NPHS2: variants seen among roughly 807,000 people sequenced by gnomAD.
NPHS2 encodes the protein NPHS2 stomatin family member, podocin, also known as podocin.
A neutral mutation model predicts 37.1 loss-of-function variants in NPHS2; 36 were observed. The ratio of observed to expected loss-of-function variants is 0.97; its 90% CI spans 0.74 to 1.28. The LOEUF is 1.28. Among genes scored for constraint, NPHS2 ranks in the 50% most tolerant of loss-of-function variants. The probability of loss-of-function intolerance (pLI) is 0.00; values close to 1 mark genes in which losing one functional copy is unlikely to be tolerated. For synonymous variants in NPHS2, 196 were observed against 189.3 expected, an observed-to-expected ratio of 1.04 and a Z score of -0.29; for missense variants, 447 against 488.1, an observed-to-expected ratio of 0.92 and a Z score of 0.79.
intron 4 of NPHS2, among the ~76,000 whole-genome samples, chr1:179,558,651 C>G (rs1472811395): frequency 2.0e-5 from 3 of 152,084 alleles, no homozygotes; most frequent in Admixed American, 2.0e-4. Context: ...TTTTGAGGAG[C>G]TGCTCTACTG....
Position 179,559,715 on chromosome 1 carries a change from G to A in NPHS2, c.498C>T (p.Asp166=). The part of the protein sequence containing the change: ...LPCLDTYHKV[D]LRLQTLEIPF... ...GTATCTCCAGAGTTTGGAGACGAAG[G>A]TCAACCTTGTGGTAGGTATCCAGGC... The change falls in exon 4 of 8, where the codon GAC becomes GAT. Residue 166 remains aspartate, a synonymous_variant. Coordinates refer to ENST00000367615, the MANE Select transcript of NPHS2 (RefSeq NM_014625.4). 6.3e-7 allele frequency: 1 copy of A among 1,592,398 alleles called. No homozygotes were observed. The highest frequency in any genetic ancestry group is 8.6e-7 in the Non-Finnish European group (1 of 1,166,990).
chr1:179,572,024 G>A (rs1674583317), intron 1 of NPHS2, among the ~76,000 whole-genome samples: 1 of 152,252 alleles, frequency 6.6e-6, no homozygotes, highest in African/African-American at 2.4e-5. Context: ...TGTGCTTCCT[G>A]GGTGAGGCAA....
In NPHS2 at chr1:179,551,335, C is replaced by A. The variant is rs749236659; in HGVS notation, c.990G>T (p.Leu330=). The part of the protein sequence containing the change: ...QLRYLHTLQS[L]STEKPSTVVL... ...CCACAGTGGAAGGCTTCTCTGTGGA[C>A]AGAGACTGAAGGGTGTGGAGGTATC... Residue 330 remains leucine, a synonymous_variant, in exon 8 of 8, where the codon CTG becomes CTT. Coordinates refer to ENST00000367615, the MANE Select transcript of NPHS2 (RefSeq NM_014625.4). 69 of 1,613,996 alleles carry A rather than the reference C, an allele frequency of 4.3e-5. No homozygotes were observed. The highest frequency in any genetic ancestry group is 5.6e-5 in the Non-Finnish European group (66 of 1,180,008).
chr1:179,567,618 G>C (rs1192679863), intron 1 of NPHS2, among the ~76,000 whole-genome samples: 1 of 152,208 alleles, frequency 6.6e-6, no homozygotes, highest in African/African-American at 2.4e-5. Context: ...ATAGGGTGGT[G>C]AGAGAGGGCT....
Position 179,554,337 on chromosome 1 carries a change from ATTTG to A in NPHS2, c.794+135_794+138del. On this transcript the variant is annotated intron_variant, in intron 6 of 7. Coordinates refer to ENST00000367615, the MANE Select transcript of NPHS2 (RefSeq NM_014625.4). ...TGTTATGGCTGTAAGATATTAGGTG[ATTTG>A]TTTCTCTTTTTTATAAATTTATGCT... 3.1e-6 allele frequency: 3 copies of A among 954,500 alleles called. No individual in the cohort carries two copies. In the East Asian group the frequency reaches 7.5e-5, roughly 24 times the overall value. The allele number at this position is 954,500 out of a possible 1,614,324, so 59.1% of individuals were successfully genotyped here.
At chr1:179,557,447 TA>T (rs926275334) in intron 4 of NPHS2, among the ~76,000 whole-genome samples, 4 of 152,008 alleles carry the variant, frequency 2.6e-5, no homozygotes, top group African/African-American at 4.8e-5. Flanking sequence ...AATCCTTTTG[TA>T]AAAAAAATCA....
At chr1:179,568,528 G>GT (rs1375285129) in intron 1 of NPHS2, among the ~76,000 whole-genome samples, 3 of 151,958 alleles carry the variant, frequency 2.0e-5, no homozygotes, top group Non-Finnish European at 4.4e-5. Flanking sequence ...TTTTTAAAGG[G>GT]TTTTTTTCTG....
At chr1:179,557,736 A>G (rs180966948) in intron 4 of NPHS2, among the ~76,000 whole-genome samples, 72 of 152,346 alleles carry the variant, frequency 4.7e-4, no homozygotes, top group African/African-American at 1.6e-3. Flanking sequence ...ATTGGAATAC[A>G]AATTGGAAAG....
At chr1:179,559,476 T>C (rs1191652103) in intron 4 of NPHS2, among the ~76,000 whole-genome samples, 2 of 152,222 alleles carry the variant, frequency 1.3e-5, no homozygotes, top group African/African-American at 4.8e-5. Context: ...TTATGAGATA[T>C]GATTTGCAAA....
Position 179,569,842 on chromosome 1 carries a change from A to C in NPHS2, c.275-5049T>G, listed in dbSNP as rs779472992. Among the ~76,000 whole-genome samples the C allele has an allele frequency of 5.9e-5, 9 of 152,032 alleles. No individual in the cohort carries two copies. The South Asian group carries it at 8.3e-4, about 14-fold the overall frequency. On this transcript the variant is annotated intron_variant, in intron 1 of 7. Coordinates refer to ENST00000367615, the MANE Select transcript of NPHS2 (RefSeq NM_014625.4). ...GATATGAAATTCTGGGTTGAAAATT[A>C]TTTTCTTTAAGAATGTTGAATGTAG...
At chr1:179,552,329 G>A (rs1213906429) in intron 7 of NPHS2, 2 of 516,192 alleles carry the variant, frequency 3.9e-6, no homozygotes, top group Non-Finnish European at 7.0e-6. Flanking sequence ...AGGGATTGAT[G>A]TGTGTGGAGG....
intron 4 of NPHS2, among the ~76,000 whole-genome samples, chr1:179,558,763 T>C (rs1572279519): frequency 6.6e-6 from 1 of 152,166 alleles, no homozygotes; most frequent in African/African-American, 2.4e-5. Context: ...TCCAGGTTTT[T>C]AAAAAAACAG....
At chr1:179,574,148 C>T (rs973393920) in intron 1 of NPHS2, among the ~76,000 whole-genome samples, 7 of 152,152 alleles carry the variant, frequency 4.6e-5, no homozygotes, top group African/African-American at 1.7e-4. Flanking sequence ...TTGAGGTCTC[C>T]TGCTTTTGTT....
intron 6 of NPHS2, 51 bp downstream of exon 6, chr1:179,554,425 C>A: frequency 6.2e-7 from 1 of 1,605,948 alleles, no homozygotes; most frequent in Non-Finnish European, 8.5e-7. Flanking sequence ...AAAATGAAAC[C>A]AGAATATTTT....
chr1:179,559,760 A>T lies in NPHS2; in HGVS notation c.453T>A (p.Gly151=). 6.4e-7 allele frequency: 1 copy of T among 1,574,388 alleles called. No individual in the cohort carries two copies. The highest frequency in any genetic ancestry group is 8.7e-7 in the Non-Finnish European group (1 of 1,155,630). Residue 151 remains glycine (G), a splice_region_variant and synonymous_variant, in exon 4 of 8, where the codon GGT becomes GGA. Coordinates refer to ENST00000367615, the MANE Select transcript of NPHS2 (RefSeq NM_014625.4). ...CCAGGCAGGGCAAAAAAAAGAAAAG[A>T]CCTAAAAGAGAGGAGGAGGAAGTGA... The part of the protein sequence containing the change: ...HLLPGRAKGP[G]LFFFLPCLDT...
intron 6 of NPHS2, among the ~76,000 whole-genome samples, chr1:179,553,909 C>A (rs2125777556): frequency 7.5e-6 from 1 of 134,018 alleles, no homozygotes; most frequent in African/African-American, 3.1e-5. Flanking sequence ...ACACCCCTGG[C>A]TAATTTTTTT....
At position 179,575,758 on chromosome 1, in the gene NPHS2, C is replaced by T. The variant is rs755338607; in HGVS notation, c.107G>A (p.Arg36His). The change falls in exon 1 of 8, where the codon CGC becomes CAC. Residue 36 changes from arginine (R) to histidine (H), a missense_variant. By Grantham distance (29) the Arg-to-His change is conservative. Coordinates refer to ENST00000367615, the MANE Select transcript of NPHS2 (RefSeq NM_014625.4). Reference protein sequence around the residue: ...RAKAERSGGGRGRQEAGPEPS... With the variant: ...RAKAERSGGGHGRQEAGPEPS... ...CTCGGGCCCAGCCTCCTGGCGCCCGCGGCCTCCGCCGCTCCTCTCGGCCTT... is the reference window on the plus strand; with the variant it reads ...CTCGGGCCCAGCCTCCTGGCGCCCGTGGCCTCCGCCGCTCCTCTCGGCCTT... The T allele has an allele frequency of 6.7e-7, 1 of 1,493,350 alleles. No individual in the cohort carries two copies. The highest frequency in any genetic ancestry group is 1.3e-5 in the South Asian group (1 of 77,876). 92.5% of individuals were successfully genotyped at this position (1,493,350 alleles called of 1,614,324 possible).
Position 179,575,734 on chromosome 1 carries a change from T to C in NPHS2, c.131A>G (p.Glu44Gly). 3 of 1,532,054 alleles carry C rather than the reference T, an allele frequency of 2.0e-6. No homozygotes were observed. Among genetic ancestry groups the C allele is most frequent in the Non-Finnish European group, 2.6e-6 (3 of 1,144,164 alleles). 94.9% of individuals were successfully genotyped at this position (1,532,054 alleles called of 1,614,324 possible). A position where few individuals can be genotyped will look rare whatever the true frequency, so the allele number is the denominator to read the frequency against. Residue 44 changes from glutamate (E) to glycine (G), a missense_variant, in exon 1 of 8, where the codon GAG becomes GGG. Physicochemically the swap from Glu to Gly is moderately conservative, Grantham distance 98. Transcript: ENST00000367615. Reference protein sequence around the residue: ...GGRGRQEAGPEPSGSGRAGTP... With the variant: ...GGRGRQEAGPGPSGSGRAGTP... ...CCCCGCCCGTCCGGAGCCCGACGGC[T>C]CGGGCCCAGCCTCCTGGCGCCCGCG...
At position 179,562,110 on chromosome 1, in the gene NPHS2, A is replaced by G. The variant is rs541897358; in HGVS notation, c.379-749T>C. 3.9e-5 allele frequency among the ~76,000 whole-genome samples: 6 copies of G among 152,300 alleles called. No homozygotes were observed. In the South Asian group the frequency reaches 6.2e-4, roughly 16 times the overall value. The stretch of plus-strand genomic sequence containing the variant: ...GCGTGAGCCACCGTGGCCAGCCTCA[A>G]TTGGATTTTAATTTGCCAATTTTCA... On this transcript the variant is annotated intron_variant, in intron 2 of 7. Transcript: ENST00000367615.
Sources: gnomAD v4.1 joint callset for allele counts (sites outside exome capture counted in the v4.1 genomes callset) on GRCh38, gnomAD v4.1.1 for gene constraint, MANE v1.5 for transcripts, NCBI Gene and HGNC (gene_info 2026-07-23, HGNC 2026-07-21) for gene names.